CDH26: variants seen among roughly 807,000 people sequenced by gnomAD.
The protein encoded by CDH26 is cadherin 26, also known as cadherin-like protein 26.
Under a neutral mutation model 90.3 loss-of-function variants are expected in CDH26, and 83 were observed. The ratio of observed to expected loss-of-function variants is 0.92; its 90% CI spans 0.77 to 1.10. CDH26 has a LOEUF of 1.10. CDH26 is among the 50% of genes least tolerant of loss of function. The pLI is 0.00. For synonymous variants in CDH26, 397 were observed against 396.3 expected, an observed-to-expected ratio of 1.00 and a Z score of -0.02; for missense variants, 1,013 against 1,037.6, an observed-to-expected ratio of 0.98 and a Z score of 0.33.
At chr20:59,987,308 T>C (rs774373285) in intron 7 of CDH26, 145 bp from the exon 8 acceptor site, 3 of 640,780 alleles carry the variant, frequency 4.7e-6, no homozygotes, top group African/African-American at 3.7e-5. Context: ...GCATGAGGAA[T>C]ATCCAGGGTG....
At chr20:60,005,273 G>A (rs2061731295) in intron 16 of CDH26, among the ~76,000 whole-genome samples, 1 of 152,140 alleles carries the variant, frequency 6.6e-6, no homozygotes, top group Admixed American at 6.5e-5. Context: ...TGTTAGTTGA[G>A]TTTTCGGGGA....
intron 17 of CDH26, among the ~76,000 whole-genome samples, chr20:60,007,872 C>G (rs1484872736): frequency 6.6e-6 from 1 of 152,178 alleles, no homozygotes; most frequent in Non-Finnish European, 1.5e-5. Context: ...TGTAGTTTGA[C>G]TGCGCTGAAG....
chr20:60,035,716 G>A (rs1569075741), downstream of CDH26, among the ~76,000 whole-genome samples: 1 of 152,088 alleles, frequency 6.6e-6, no homozygotes, highest in African/African-American at 2.4e-5. Flanking sequence ...ATCACGGGGG[G>A]CGGTTCCCCC....
intron 5 of CDH26, 110 bp downstream of exon 5, chr20:59,983,180 G>A: frequency 1.6e-6 from 2 of 1,283,862 alleles, no homozygotes; most frequent in Middle Eastern, 2.3e-4. Flanking sequence ...AGTTTTTACT[G>A]TTCACATCTC....
At chr20:60,007,559 G>T (rs1215482365) in intron 17 of CDH26, among the ~76,000 whole-genome samples, 1 of 152,188 alleles carries the variant, frequency 6.6e-6, no homozygotes, top group African/African-American at 2.4e-5. Context: ...TAAGCAGCAG[G>T]TTGATGCAAA....
intron 3 of CDH26, among the ~76,000 whole-genome samples, chr20:59,970,603 G>A (rs984676178): frequency 6.6e-6 from 1 of 151,686 alleles, no homozygotes; most frequent in Non-Finnish European, 1.5e-5. Flanking sequence ...GAGATCAGGA[G>A]ATCGAGCCCA....
Position 60,012,714 on chromosome 20 carries a change from C to A in CDH26, c.2483C>A (p.Ser828Ter). The A allele has an allele frequency of 6.2e-7, 1 of 1,613,140 alleles. No individual in the cohort carries two copies. Among genetic ancestry groups the A allele is most frequent in the South Asian group, 1.1e-5 (1 of 90,886 alleles). ...CCGTTTGAGGAAATATATTCAGAGTCAGGTGTTCCTTCCTAAAAAAAAAAG... is the reference window on the plus strand; with the variant it reads ...CCGTTTGAGGAAATATATTCAGAGTAAGGTGTTCCTTCCTAAAAAAAAAAG... ...ATPFEEIYSE[S>*]GVPS The change falls in exon 18 of 18, where the codon TCA (serine) becomes TAA (stop). Residue 828 changes from serine to a stop codon, truncating the protein, a stop_gained. Transcript: ENST00000348616. LOFTEE classifies it low-confidence loss of function (END_TRUNC).
chr20:59,971,838 C>A, intron 3 of CDH26, 124 bp from the exon 4 acceptor site: 1 of 677,416 alleles, frequency 1.5e-6, no homozygotes. Flanking sequence ...ATTTCTTTGG[C>A]AGATGTGCCA....
chr20:60,008,305 A>G (rs2061781537), intron 17 of CDH26, among the ~76,000 whole-genome samples: 1 of 152,152 alleles, frequency 6.6e-6, no homozygotes, highest in Admixed American at 6.6e-5. Context: ...ACATCAGCCT[A>G]TTGGGGGAGG....
At position 59,982,915 on chromosome 20, in the gene CDH26, C is replaced by T; in HGVS notation, c.394-8C>T. 6.2e-7 allele frequency: 1 copy of T among 1,611,578 alleles called. No individual in the cohort carries two copies. Among genetic ancestry groups the T allele is most frequent in the Non-Finnish European group, 8.5e-7 (1 of 1,178,812 alleles). On this transcript the variant is annotated splice_region_variant and splice_polypyrimidine_tract_variant and intron_variant, in intron 4 of 17. Transcript: ENST00000348616. The stretch of plus-strand genomic sequence containing the variant: ...TCTGCAGGATTTTTACAGCTCTCTG[C>T]TTCCTAGGTTTATTTTGATGTTGTG...
chr20:60,016,575 T>G (rs1178652042), downstream of CDH26, among the ~76,000 whole-genome samples: 1 of 150,966 alleles, frequency 6.6e-6, no homozygotes, highest in Non-Finnish European at 1.5e-5. Flanking sequence ...CAATTTGACT[T>G]CCTCCTTTCT....
chr20:60,014,207 T>A lies in CDH26; in HGVS notation c.*1477T>A, dbSNP rs757762038. ...TAATTGTACATATTTAGGGGGTACA[T>A]AGTCATGTTTCAATACATTTACAGT... On this transcript the variant is annotated 3_prime_UTR_variant, in exon 18 of 18. Coordinates refer to ENST00000348616, the MANE Select transcript of CDH26 (RefSeq NM_177980.4). 4.6e-5 allele frequency: 7 copies of A among 152,158 alleles called. No homozygotes were observed. Among genetic ancestry groups the A allele is most frequent in the Non-Finnish European group, 7.4e-5 (5 of 68,026 alleles). 9.4% of individuals were successfully genotyped at this position (152,158 alleles called of 1,614,324 possible).
intron 7 of CDH26, among the ~76,000 whole-genome samples, chr20:60,022,276 C>T (rs1190011018): frequency 6.6e-6 from 1 of 152,144 alleles, no homozygotes; most frequent in Non-Finnish European, 1.5e-5. Context: ...AGGCAATAAA[C>T]AGAAATAGTA....
Position 60,021,849 on chromosome 20 carries a change from T to TACACAC in CDH26, c.948-9338_948-9333dup, listed in dbSNP as rs757813328. On this transcript the variant is annotated intron_variant, in intron 7 of 8. Coordinates refer to the CDH26 transcript ENST00000370991. The stretch of plus-strand genomic sequence containing the variant: ...ATTTTGAAGCCGATATCCTTATCTG[T>TACACAC]ACACACACACACACACACACACACA... Among the ~76,000 whole-genome samples the TACACAC allele has an allele frequency of 1.9e-3, 79 of 42,614 alleles. 2 individuals carry two copies. Among genetic ancestry groups the TACACAC allele is most frequent in the Admixed American group, 7.6e-3 (23 of 3,044 alleles). The allele number at this position is 42,614 out of a possible 152,430, so 28.0% of individuals were successfully genotyped here.
At chr20:59,996,584 T>A (rs148220128) in intron 12 of CDH26, 47 bp from the exon 13 acceptor site, 8 of 1,614,108 alleles carry the variant, frequency 5.0e-6, no homozygotes, top group Non-Finnish European at 5.9e-6. Flanking sequence ...AAACCTCTGA[T>A]ATGGGTGAGC....
rs2062035713 is a variant in CDH26 at position 60,030,992 on chromosome 20, C to A, written c.948-239C>A. Among the ~76,000 whole-genome samples the A allele has an allele frequency of 6.6e-6, 1 of 152,214 alleles. No homozygotes were observed. Among genetic ancestry groups the A allele is most frequent in the Non-Finnish European group, 1.5e-5 (1 of 68,030 alleles). Reference sequence around the variant, plus strand: ...AATAAAAGAATGGCTACTCCATAGACAAAGCAGCCTCGAGGGCTGCTGGTT... The same window carrying A: ...AATAAAAGAATGGCTACTCCATAGAAAAAGCAGCCTCGAGGGCTGCTGGTT... On this transcript the variant is annotated intron_variant, in intron 7 of 8. Coordinates refer to the CDH26 transcript ENST00000370991. This position sits in a 1 kb window ranked among gnomAD's most constrained non-coding sequence, Gnocchi z 4.0.
downstream of CDH26, among the ~76,000 whole-genome samples, chr20:60,015,144 C>T (rs571618236): frequency 6.6e-6 from 1 of 152,244 alleles, no homozygotes; most frequent in Non-Finnish European, 1.5e-5. Flanking sequence ...GCCACCACGC[C>T]CAGTTAATTT....
chr20:60,001,602 G>C (rs1432709624), intron 15 of CDH26, 191 bp downstream of exon 15: 1 of 985,366 alleles, frequency 1.0e-6, no homozygotes. Context: ...TATTATTATT[G>C]GTGATGGCTG....
chr20:60,021,857 C>CACACACACACACACACACACACACACAT lies in CDH26; in HGVS notation c.948-9347_948-9346insTACACACACACACACACACACACACACA, dbSNP rs1569068548. On this transcript the variant is annotated intron_variant, in intron 7 of 8. Transcript: ENST00000370991. The stretch of plus-strand genomic sequence containing the variant: ...GCCGATATCCTTATCTGTACACACA[C>CACACACACACACACACACACACACACAT]ACACACACACACACACACACACACA... 7.4e-3 allele frequency among the ~76,000 whole-genome samples: 514 copies of CACACACACACACACACACACACACACAT among 69,536 alleles called. 19 individuals carry two copies. The highest frequency in any genetic ancestry group is 0.019 in the Admixed American group (111 of 5,956). 45.6% of individuals were successfully genotyped at this position (69,536 alleles called of 152,430 possible).
Sources: allele counts gnomAD v4.1 joint callset (sites outside exome capture counted in the v4.1 genomes callset), GRCh38; gene constraint gnomAD v4.1.1; non-coding constraint Gnocchi (gnomAD v3.1); transcripts MANE v1.5; gene names NCBI Gene and HGNC (gene_info 2026-07-23, HGNC 2026-07-21).